Variants in TMEM108 observed in about 807,000 individuals in gnomAD.
The protein encoded by TMEM108 is cancer/testis antigen 124.
Under a neutral mutation model 35.1 loss-of-function variants are expected in TMEM108, and 12 were observed. The ratio of observed to expected loss-of-function variants is 0.34; its 90% CI spans 0.22 to 0.55. The LOEUF is 0.55. Among genes scored for constraint, TMEM108 ranks in the 20% least tolerant of loss-of-function variants. The pLI is 0.89. For synonymous variants in TMEM108, 287 were observed against 308.6 expected (o/e 0.93, Z 0.73); for missense variants, 680 against 753.3 (o/e 0.90, Z 1.14).
At chr3:133,165,192 C>G (rs1945019218) in intron 2 of TMEM108, among the ~76,000 whole-genome samples, 1 of 152,146 alleles carries the variant, frequency 6.6e-6, no homozygotes, top group South Asian at 2.1e-4. Flanking sequence ...AAAAGAGAAG[C>G]AGAGCAGAGT....
At chr3:133,198,368 A>G (rs1484027629) in intron 2 of TMEM108, among the ~76,000 whole-genome samples, 1 of 152,170 alleles carries the variant, frequency 6.6e-6, no homozygotes, top group Admixed American at 6.5e-5. Flanking sequence ...TCAGGGCCAC[A>G]TGGGAGTTGC....
intron 2 of TMEM108, among the ~76,000 whole-genome samples, chr3:133,117,783 A>C (rs1041479013): frequency 6.6e-6 from 1 of 152,192 alleles, no homozygotes; most frequent in Admixed American, 6.5e-5. Context: ...TTGGAAAAAA[A>C]ATCAGAGGTG....
At chr3:133,204,872 C>T (rs1945727934) in intron 2 of TMEM108, among the ~76,000 whole-genome samples, 1 of 152,118 alleles carries the variant, frequency 6.6e-6, no homozygotes, top group South Asian at 2.1e-4. Flanking sequence ...TTTATTGTCT[C>T]ATTGATCTGT....
intron 3 of TMEM108, among the ~76,000 whole-genome samples, chr3:133,302,804 A>G (rs1013199157): frequency 6.6e-6 from 1 of 152,104 alleles, no homozygotes; most frequent in Admixed American, 6.6e-5. Context: ...GACCCTTTAG[A>G]TCAATGTTAT....
At chr3:133,272,272 C>CGCGTGTGTGTGT (rs1946781987) in intron 3 of TMEM108, among the ~76,000 whole-genome samples, 2 of 137,726 alleles carry the variant, frequency 1.5e-5, no homozygotes, top group African/African-American at 5.4e-5. Context: ...CATACACGTA[C>CGCGTGTGTGTGT]GTGTGTGTGT....
In TMEM108 at chr3:133,113,798, C is replaced by T. The variant is rs148765387; in HGVS notation, c.-47+67778C>T. ...GTTGAACTGGCTCTGTATTGTTTGA[C>T]GAAGTATATATATATAATCATTGGT... On this transcript the variant is annotated intron_variant, in intron 2 of 5. Coordinates refer to ENST00000321871, the MANE Select transcript of TMEM108 (RefSeq NM_023943.4). Among the ~76,000 whole-genome samples the T allele has an allele frequency of 9.5e-3, 1,446 of 152,090 alleles. 67 individuals carry two copies. Among genetic ancestry groups the T allele is most frequent in the Admixed American group, 0.075 (1,151 of 15,248 alleles).
intron 3 of TMEM108, among the ~76,000 whole-genome samples, chr3:133,300,930 G>A (rs1947213254): frequency 8.2e-6 from 1 of 121,338 alleles, no homozygotes; most frequent in Non-Finnish European, 1.8e-5. Context: ...AGATGCCACA[G>A]CGTAAGAATA....
rs558268035 is a variant in TMEM108, at chr3:133,133,903, A to G, written c.-47+87883A>G. The stretch of plus-strand genomic sequence containing the variant: ...CTCAGCCTCCCGAGTAGCTGGGACT[A>G]TAGTCACCTGCCACTGCCCCTGGCT... On this transcript the variant is annotated intron_variant, in intron 2 of 5. Transcript: ENST00000321871. Among the ~76,000 whole-genome samples the G allele has an allele frequency of 1.3e-3, 194 of 151,866 alleles. 2 individuals carry two copies. Among genetic ancestry groups the G allele is most frequent in the African/African-American group, 3.7e-3 (153 of 41,468 alleles).
At chr3:133,234,808 A>T (rs371642336) in intron 3 of TMEM108, among the ~76,000 whole-genome samples, 2 of 152,156 alleles carry the variant, frequency 1.3e-5, no homozygotes, top group Non-Finnish European at 2.9e-5. Context: ...AGGAAGTCAA[A>T]TTGTCCCTGT....
At chr3:133,114,578 GC>G (rs1944265188) in intron 2 of TMEM108, among the ~76,000 whole-genome samples, 1 of 152,016 alleles carries the variant, frequency 6.6e-6, no homozygotes, top group Non-Finnish European at 1.5e-5. Context: ...CTTTATGCCA[GC>G]ATTTGTCACA....
chr3:133,114,846 G>A (rs1015369952), intron 2 of TMEM108, among the ~76,000 whole-genome samples: 6 of 152,112 alleles, frequency 3.9e-5, no homozygotes, highest in African/African-American at 1.4e-4. Context: ...TTCCTCAGAT[G>A]TATTACTCGA....
chr3:133,361,291 C>A (rs924584073), intron 3 of TMEM108, among the ~76,000 whole-genome samples: 3 of 152,216 alleles, frequency 2.0e-5, no homozygotes, highest in Admixed American at 1.3e-4. Context: ...AAGAGCAAGA[C>A]AGTCCTGGAC....
intron 2 of TMEM108, among the ~76,000 whole-genome samples, chr3:133,142,766 G>A (rs967106169): frequency 1.3e-5 from 2 of 152,152 alleles, no homozygotes; most frequent in Non-Finnish European, 2.9e-5. Flanking sequence ...GGCTGTTAGT[G>A]TAGTATAATT....
At chr3:133,050,228 C>T (rs572986599) in intron 2 of TMEM108, among the ~76,000 whole-genome samples, 1 of 152,266 alleles carries the variant, frequency 6.6e-6, no homozygotes, top group South Asian at 2.1e-4. Context: ...TGGATAGAAC[C>T]TGGACTTGAT....
At chr3:133,339,671 G>A (rs1056438118) in intron 3 of TMEM108, among the ~76,000 whole-genome samples, 4 of 151,790 alleles carry the variant, frequency 2.6e-5, no homozygotes, top group African/African-American at 9.7e-5. Context: ...TCAACATATG[G>A]ATCATTCTAA....
At chr3:133,354,540 C>T (rs1278279451) in intron 3 of TMEM108, among the ~76,000 whole-genome samples, 1 of 152,140 alleles carries the variant, frequency 6.6e-6, no homozygotes, top group African/African-American at 2.4e-5. Context: ...CTTGCAGCAC[C>T]TCTGTGAATT....
At chr3:133,119,414 T>G (rs932789787) in intron 2 of TMEM108, 2 of 152,180 alleles carry the variant, frequency 1.3e-5, no homozygotes, top group Non-Finnish European at 2.9e-5. Context: ...CCAGATGTAG[T>G]TGGCTGCAGT....
At chr3:133,285,033 G>A (rs1446021198) in intron 3 of TMEM108, among the ~76,000 whole-genome samples, 1 of 151,748 alleles carries the variant, frequency 6.6e-6, no homozygotes, top group African/African-American at 2.4e-5. Flanking sequence ...TCAAGTGGAA[G>A]ATATTTCTTC....
chr3:133,384,254 A>G (rs535270573), intron 4 of TMEM108, among the ~76,000 whole-genome samples: 2 of 127,346 alleles, frequency 1.6e-5, no homozygotes, highest in East Asian at 4.4e-4. Flanking sequence ...AGTAAAGTGC[A>G]TGCATCAGTT....
Sources: gnomAD v4.1 joint callset for allele counts (sites outside exome capture counted in the v4.1 genomes callset) on GRCh38, gnomAD v4.1.1 for gene constraint, MANE v1.5 for transcripts, NCBI Gene and HGNC (gene_info 2026-07-23, HGNC 2026-07-21) for gene names.